XPO6: variants seen among roughly 807,000 people sequenced by gnomAD.
XPO6 encodes exportin 6.
In XPO6, 3 loss-of-function variants were observed where a neutral mutation model predicts 130.0. The observed-to-expected ratio is 0.02, with a 90% CI of 0.01 to 0.06. The LOEUF (loss-of-function observed/expected upper bound fraction) is 0.06, where lower values mean the gene tolerates loss of function less well. Among genes scored for constraint, XPO6 ranks in the 10% least tolerant of loss-of-function variants. The probability of loss-of-function intolerance (pLI) is 1.00; values close to 1 mark genes in which losing one functional copy is unlikely to be tolerated. For synonymous variants in XPO6, 524 were observed against 548.9 expected (o/e 0.95, Z 0.63); for missense variants, 970 against 1,393.0 (o/e 0.70, Z 4.83).
At chr16:28,145,199 C>T (rs2042962688) in intron 9 of XPO6, among the ~76,000 whole-genome samples, 1 of 152,080 alleles carries the variant, frequency 6.6e-6, no homozygotes, top group African/African-American at 2.4e-5. Flanking sequence ...GCTTCTTTGC[C>T]TCCTTCATGA....
chr16:28,143,837 T>G (rs2141792670), intron 9 of XPO6, among the ~76,000 whole-genome samples: 1 of 152,220 alleles, frequency 6.6e-6, no homozygotes, highest in East Asian at 1.9e-4. Context: ...GGGTTTCACC[T>G]TCTCAGCCAG....
chr16:28,123,297 C>T (rs929663884), intron 13 of XPO6, among the ~76,000 whole-genome samples: 1 of 152,050 alleles, frequency 6.6e-6, no homozygotes, highest in African/African-American at 2.4e-5. Context: ...TTAGTAGAGA[C>T]AGGTTTCGTC....
chr16:28,158,996 G>A (rs976233926), intron 6 of XPO6, among the ~76,000 whole-genome samples: 1 of 152,178 alleles, frequency 6.6e-6, no homozygotes. Context: ...TCGGTAGGCT[G>A]AGGCGGGCAG....
chr16:28,124,908 G>C (rs747342265), intron 13 of XPO6, among the ~76,000 whole-genome samples: 1 of 152,200 alleles, frequency 6.6e-6, no homozygotes, highest in Non-Finnish European at 1.5e-5. Flanking sequence ...GAAGCATCAG[G>C]TGTCTTGGCT....
Position 28,121,717 on chromosome 16 carries a change from G to A in XPO6, c.1812C>T (p.Asn604=). Residue 604 remains asparagine, a synonymous_variant, in exon 14 of 24, where the codon AAC becomes AAT. Transcript: ENST00000304658. Reference sequence around the variant, plus strand: ...ATACTGATGGCACAGCAGTTTCAATGTTGTACAATTTTATCTGAGATCCGT... The same window carrying A: ...ATACTGATGGCACAGCAGTTTCAATATTGTACAATTTTATCTGAGATCCGT... The part of the protein sequence containing the change: ...TLYGSQIKLY[N]IETAVPSVLK... The A allele has an allele frequency of 2.5e-6, 4 of 1,614,028 alleles. No homozygotes were observed. The highest frequency in any genetic ancestry group is 3.4e-6 in the Non-Finnish European group (4 of 1,179,944).
intron 9 of XPO6, among the ~76,000 whole-genome samples, chr16:28,145,390 T>C (rs999751702): frequency 1.3e-5 from 2 of 152,102 alleles, no homozygotes; most frequent in Non-Finnish European, 2.9e-5. Flanking sequence ...AAAGAACATA[T>C]TGTACAGGAA....
intron 5 of XPO6, among the ~76,000 whole-genome samples, chr16:28,169,274 C>G (rs529298707): frequency 2.6e-5 from 4 of 152,176 alleles, no homozygotes; most frequent in Non-Finnish European, 5.9e-5. Flanking sequence ...TCATGAGGCT[C>G]TCATCAAACA....
chr16:28,104,671 G>T lies in XPO6; in HGVS notation c.2821C>A (p.Leu941Ile). Residue 941 changes from leucine (L) to isoleucine (I), a missense_variant, in exon 21 of 24, where the codon CTC becomes ATC. Around this residue, in one of 4 missense-constraint regions of XPO6, gnomAD observed 936 missense variants for 1,306.8 expected, o/e 0.72. Transcript: ENST00000304658. ...SPDVKAELFE[L>I]LFRTLHHNWR... ...TTGTGATGGAGCGTCCGGAAAAGGA[G>T]CTCAAACAGCTCGGCCTTCACATCA... is the stretch of plus-strand genomic sequence containing the variant. 1 of 1,614,156 alleles carries T rather than the reference G, an allele frequency of 6.2e-7. No homozygotes were observed. The highest frequency in any genetic ancestry group is 8.5e-7 in the Non-Finnish European group (1 of 1,180,034).
At chr16:28,201,505 A>C (rs2043952088) in intron 1 of XPO6, among the ~76,000 whole-genome samples, 1 of 152,158 alleles carries the variant, frequency 6.6e-6, no homozygotes, top group African/African-American at 2.4e-5. Context: ...GTGGGGAAGG[A>C]GGCAAGAGAT....
chr16:28,209,411 G>A lies in XPO6; in HGVS notation c.3+1955C>T, dbSNP rs1334668233. ...TCTCAGCACTTTGGGAGGCCGAGGC[G>A]GGTGGATCACCTGAGGTCAGGAATT... is the stretch of plus-strand genomic sequence containing the variant. On this transcript the variant is annotated intron_variant, in intron 1 of 23. Coordinates refer to ENST00000304658, the MANE Select transcript of XPO6 (RefSeq NM_015171.4). Among the ~76,000 whole-genome samples, 7 of 152,116 alleles carry A rather than the reference G, an allele frequency of 4.6e-5. No homozygotes were observed. In the Middle Eastern group the frequency reaches 0.01, roughly 222 times the overall value.
intron 12 of XPO6, among the ~76,000 whole-genome samples, chr16:28,126,417 T>C (rs1286701486): frequency 6.6e-6 from 1 of 152,112 alleles, no homozygotes; most frequent in African/African-American, 2.4e-5. Flanking sequence ...ATAAAGAGTA[T>C]GGGACTTGGA....
Position 28,106,054 on chromosome 16 carries a change from T to C in XPO6, c.2773A>G (p.Ile925Val), listed in dbSNP as rs777968287. 3.1e-6 allele frequency: 5 copies of C among 1,613,640 alleles called. No individual in the cohort carries two copies. Among genetic ancestry groups the C allele is most frequent in the Admixed American group, 1.7e-5 (1 of 59,992 alleles). The change falls in exon 20 of 24, where the codon ATC (isoleucine) becomes GTC (valine). Residue 925 changes from isoleucine to valine, a missense_variant. Physicochemically the swap from Ile to Val is conservative, Grantham distance 29. Coordinates refer to ENST00000304658, the MANE Select transcript of XPO6 (RefSeq NM_015171.4). The surrounding 1 kb of genome is among the most constrained non-coding windows in gnomAD (Gnocchi z 4.2). The stretch of plus-strand genomic sequence containing the variant: ...GTCTGAGCCCCTACCTCGGCAATGA[T>C]GGGATACACTTGCTCCATGCACAGG... Reference protein sequence around the residue: ...IALCMEQVYPIIAERPSPDVK... With the variant: ...IALCMEQVYPVIAERPSPDVK...
intron 8 of XPO6, among the ~76,000 whole-genome samples, chr16:28,146,551 C>T (rs538262411): frequency 6.6e-6 from 1 of 152,316 alleles, no homozygotes; most frequent in Admixed American, 6.5e-5. Flanking sequence ...AATCGAGATT[C>T]AGAGATATAA....
intron 9 of XPO6, among the ~76,000 whole-genome samples, chr16:28,139,121 A>G (rs1343185024): frequency 6.6e-6 from 1 of 152,188 alleles, no homozygotes; most frequent in African/African-American, 2.4e-5. Context: ...GGCCTATAAA[A>G]AGGTAATAAA....
chr16:28,208,770 T>G (rs2044075621), intron 1 of XPO6, among the ~76,000 whole-genome samples: 1 of 152,208 alleles, frequency 6.6e-6, no homozygotes, highest in African/African-American at 2.4e-5. Context: ...CCAAGGGTCC[T>G]AAAGCAATGC....
intron 8 of XPO6, among the ~76,000 whole-genome samples, chr16:28,149,231 G>A (rs74372500): frequency 0.029 from 4,384 of 152,146 alleles, 309 homozygotes; most frequent in East Asian, 0.17. Flanking sequence ...TTAAGACAGA[G>A]ACATAGGTTT....
At position 28,156,069 on chromosome 16, in the gene XPO6, A is replaced by C; in HGVS notation, c.1097+5T>G. 6.3e-7 allele frequency: 1 copy of C among 1,588,080 alleles called. No individual in the cohort carries two copies. Among genetic ancestry groups the C allele is most frequent in the South Asian group, 1.2e-5 (1 of 85,976 alleles). ...GCACACCAGCTCCACACTTGGTTTC[A>C]TTACCTCTCATCGAGCTCTTCTAGC... On this transcript the variant is annotated splice_donor_5th_base_variant and intron_variant, in intron 7 of 23. Coordinates refer to ENST00000304658, the MANE Select transcript of XPO6 (RefSeq NM_015171.4).
rs1347113959 is a variant in XPO6, at chr16:28,132,820, A to G, written c.1537-417T>C. The stretch of plus-strand genomic sequence containing the variant: ...TTGAGAGAAATGTCAGCTATGCCTT[A>G]TTAAGCACATGGTAAAGTGATAAGA... On this transcript the variant is annotated intron_variant, in intron 11 of 23. Coordinates refer to ENST00000304658, the MANE Select transcript of XPO6 (RefSeq NM_015171.4). This position sits in a 1 kb window ranked among gnomAD's most constrained non-coding sequence, Gnocchi z 4.0. 1.3e-5 allele frequency among the ~76,000 whole-genome samples: 2 copies of G among 152,162 alleles called. No homozygotes were observed. Among genetic ancestry groups the G allele is most frequent in the African/African-American group, 4.8e-5 (2 of 41,430 alleles).
intron 15 of XPO6, among the ~76,000 whole-genome samples, chr16:28,116,690 G>C (rs1278390504): frequency 6.6e-6 from 1 of 152,214 alleles, no homozygotes; most frequent in African/African-American, 2.4e-5. Context: ...AATCAGTGGA[G>C]CAGTCAGAAC....
Sources: allele counts gnomAD v4.1 joint callset (sites outside exome capture counted in the v4.1 genomes callset), GRCh38; gene constraint gnomAD v4.1.1; regional missense constraint gnomAD v4.1.1; non-coding constraint Gnocchi (gnomAD v3.1); transcripts MANE v1.5; gene names NCBI Gene and HGNC (gene_info 2026-07-23, HGNC 2026-07-21).